ANKS3: variants seen among roughly 807,000 people sequenced by gnomAD.
ANKS3 encodes ankyrin repeat and sterile alpha motif domain containing 3, also known as ankyrin repeat and SAM domain-containing protein 3.
ANKS3 carries 62 observed loss-of-function variants against 80.7 expected under a neutral mutation model. That is an observed-to-expected ratio of 0.77 (90% CI 0.63 to 0.95). The LOEUF is 0.95. ANKS3 is among the 40% of genes least tolerant of loss of function. ANKS3 has a pLI of 0.00. For missense variants in ANKS3, 1,150 were observed against 883.6 expected, an observed-to-expected ratio of 1.30 and a Z score of -3.82; for synonymous variants, 489 against 355.3, an observed-to-expected ratio of 1.38 and a Z score of -4.23.
intron 6 of ANKS3, 79 bp downstream of exon 6, chr16:4,724,671 C>A: frequency 7.3e-7 from 1 of 1,361,372 alleles, no homozygotes; most frequent in South Asian, 1.3e-5. Context: ...AAGGAAAATT[C>A]TGTAATAGCT....
At chr16:4,707,015 A>G (rs1020253636) in intron 7 of ANKS3, among the ~76,000 whole-genome samples, 1 of 146,516 alleles carries the variant, frequency 6.8e-6, no homozygotes, top group Admixed American at 6.7e-5. Context: ...AGCCATATGG[A>G]CACACACCTC....
chr16:4,699,433 C>T, intron 11 of ANKS3: 1 of 526,146 alleles, frequency 1.9e-6, no homozygotes, highest in Non-Finnish European at 3.5e-6. Flanking sequence ...TCCTCCCACA[C>T]ATGCTCAGTT....
intron 2 of ANKS3, among the ~76,000 whole-genome samples, chr16:4,731,228 C>A (rs1313825450): frequency 2.0e-5 from 3 of 152,186 alleles, no homozygotes; most frequent in Non-Finnish European, 4.4e-5. Flanking sequence ...TCTGTGACTC[C>A]ATGCCTTTAT....
intron 11 of ANKS3, 167 bp downstream of exon 11, chr16:4,700,803 A>C (rs1730385356): frequency 1.1e-6 from 1 of 920,038 alleles, no homozygotes. Flanking sequence ...CGGGGCTGCC[A>C]GCCATGGAGC....
At chr16:4,699,233 G>A (rs1331855548) in intron 11 of ANKS3, 57 bp from the exon 12 acceptor site, 23 of 1,591,738 alleles carry the variant, frequency 1.4e-5, no homozygotes, top group East Asian at 2.3e-5. Flanking sequence ...AAGCAGAGAC[G>A]TTTTCCTCCA....
At chr16:4,718,451 G>C (rs1224926058) in intron 6 of ANKS3, among the ~76,000 whole-genome samples, 1 of 152,208 alleles carries the variant, frequency 6.6e-6, no homozygotes, top group Non-Finnish European at 1.5e-5. Context: ...GCTGGGGCTT[G>C]GCCCCACTGG....
chr16:4,715,308 C>T (rs1235227425), intron 6 of ANKS3, among the ~76,000 whole-genome samples: 1 of 152,148 alleles, frequency 6.6e-6, no homozygotes, highest in Non-Finnish European at 1.5e-5. Context: ...ATCAATACAG[C>T]ATGTTTTTGG....
Position 4,696,679 on chromosome 16 carries a change from A to C in ANKS3, c.*229T>G, listed in dbSNP as rs1177521483. 5.3e-6 allele frequency: 2 copies of C among 375,146 alleles called. No homozygotes were observed. The highest frequency in any genetic ancestry group is 5.7e-5 in the East Asian group (1 of 17,398). The allele number at this position is 375,146 out of a possible 1,614,324, so 23.2% of individuals were successfully genotyped here. A position where few individuals can be genotyped will look rare whatever the true frequency, so the allele number is the denominator to read the frequency against. On this transcript the variant is annotated 3_prime_UTR_variant, in exon 18 of 18. Coordinates refer to ENST00000304283, the MANE Select transcript of ANKS3 (RefSeq NM_133450.4). ...CAGCCCATGAACTCTGGGCCTCACC[A>C]CGAGGTTCTGGGTGAGGCCCTCGTC... is the stretch of plus-strand genomic sequence containing the variant.
At chr16:4,711,800 C>A (rs1184417195) in intron 7 of ANKS3, among the ~76,000 whole-genome samples, 1 of 151,258 alleles carries the variant, frequency 6.6e-6, no homozygotes, top group African/African-American at 2.4e-5. Flanking sequence ...GAAGTGATCT[C>A]TCAGGAAAAT....
intron 8 of ANKS3, 76 bp downstream of exon 8, chr16:4,705,019 G>A: frequency 4.5e-6 from 7 of 1,564,888 alleles, no homozygotes; most frequent in Non-Finnish European, 6.1e-6. Context: ...AGGAGCCTAA[G>A]AGCTATTCCA....
intron 6 of ANKS3, among the ~76,000 whole-genome samples, chr16:4,722,871 T>A (rs1463674624): frequency 6.8e-6 from 1 of 147,670 alleles, no homozygotes; most frequent in African/African-American, 2.5e-5. Flanking sequence ...TGAGCCGAGA[T>A]CACGCCACTG....
intron 7 of ANKS3, among the ~76,000 whole-genome samples, chr16:4,708,629 T>C (rs1240282923): frequency 6.6e-6 from 1 of 152,084 alleles, no homozygotes; most frequent in African/African-American, 2.4e-5. Context: ...AGTACTAGTA[T>C]TTAACTTAAG....
intron 6 of ANKS3, among the ~76,000 whole-genome samples, chr16:4,714,851 G>A (rs2080701866): frequency 6.6e-6 from 1 of 151,876 alleles, no homozygotes; most frequent in Non-Finnish European, 1.5e-5. Context: ...AATTAGCCGG[G>A]CGTGGTGGTG....
In ANKS3 at chr16:4,730,050, C is replaced by G. The variant is rs1424766798; in HGVS notation, c.100G>C (p.Asp34His). 2 of 1,589,304 alleles carry G rather than the reference C, an allele frequency of 1.3e-6. No homozygotes were observed. Among genetic ancestry groups the G allele is most frequent in the African/African-American group, 2.7e-5 (2 of 73,876 alleles). ...GCTGTGTGAAGATCCAGGGGGACATCCAGCTCCTCCCCGCTGACCTGTGTC... is the reference window on the plus strand; with the variant it reads ...GCTGTGTGAAGATCCAGGGGGACATGCAGCTCCTCCCCGCTGACCTGTGTC... The part of the protein sequence containing the change: ...LGTQVSGEEL[D>H]VPLDLHTAAS... Residue 34 changes from aspartate (D) to histidine (H), a missense_variant, in exon 3 of 18, where the codon GAT (aspartate) becomes CAT (histidine). Coordinates refer to ENST00000304283, the MANE Select transcript of ANKS3 (RefSeq NM_133450.4).
At chr16:4,714,699 G>C (rs2080689543) in intron 6 of ANKS3, among the ~76,000 whole-genome samples, 1 of 152,182 alleles carries the variant, frequency 6.6e-6, no homozygotes, top group South Asian at 2.1e-4. Context: ...AGTGCACAAA[G>C]ATGTTTGGCA....
chr16:4,702,196 C>T lies in ANKS3; in HGVS notation c.915G>A (p.Glu305=). ...RGYVTFNSSG[E]NPLEEEGLCC... Reference sequence around the variant, plus strand: ...AGAGGCCCTCTTCTTCCAGGGGGTTCTCGCCACTGCTGTTGAAGGTGACAT... The same window carrying T: ...AGAGGCCCTCTTCTTCCAGGGGGTTTTCGCCACTGCTGTTGAAGGTGACAT... Residue 305 remains glutamate (E), a synonymous_variant, in exon 9 of 18, where the codon GAG becomes GAA. Coordinates refer to ENST00000304283, the MANE Select transcript of ANKS3 (RefSeq NM_133450.4). 1 of 1,592,018 alleles carries T rather than the reference C, an allele frequency of 6.3e-7. No homozygotes were observed.
intron 2 of ANKS3, among the ~76,000 whole-genome samples, chr16:4,730,867 A>C (rs1263472041): frequency 3.3e-5 from 5 of 152,132 alleles, no homozygotes; most frequent in Admixed American, 6.5e-5. Flanking sequence ...ACAAAACAAA[A>C]AAAAAAAACA....
chr16:4,699,264 C>A, intron 11 of ANKS3, 88 bp from the exon 12 acceptor site: 1 of 1,518,220 alleles, frequency 6.6e-7, no homozygotes. Context: ...CACCACTTCC[C>A]CAGGCTCAGA....
In ANKS3 at chr16:4,698,930, G is replaced by C. The variant is rs911379739; in HGVS notation, c.1421C>G (p.Pro474Arg). ...LKEIGITLFG[P>R]KRKMTSAIAR... ...AATGGCGGACGTCATCTTCCTCTTG[G>C]GCCCAAACAGCCTGCGGGGGGAATG... is the stretch of plus-strand genomic sequence containing the variant. Residue 474 changes from proline (P) to arginine (R), a missense_variant, in exon 13 of 18, where the codon CCC (proline) becomes CGC (arginine). Pro to Arg is a moderately radical substitution (Grantham distance 103). Coordinates refer to ENST00000304283, the MANE Select transcript of ANKS3 (RefSeq NM_133450.4). 6.2e-7 allele frequency: 1 copy of C among 1,600,754 alleles called. No individual in the cohort carries two copies. Among genetic ancestry groups the C allele is most frequent in the Non-Finnish European group, 8.5e-7 (1 of 1,171,944 alleles).
Sources: gnomAD v4.1 joint callset for allele counts (sites outside exome capture counted in the v4.1 genomes callset) on GRCh38, gnomAD v4.1.1 for gene constraint, MANE v1.5 for transcripts, NCBI Gene and HGNC (gene_info 2026-07-23, HGNC 2026-07-21) for gene names.